Variants in LMNA observed in about 807,000 individuals in gnomAD.
The protein encoded by LMNA is lamin.
LMNA carries 20 observed loss-of-function variants against 70.4 expected under a neutral mutation model. The ratio of observed to expected loss-of-function variants is 0.28; its 90% CI spans 0.20 to 0.41. LMNA has a LOEUF of 0.41. LMNA is among the 10% of genes least tolerant of loss of function. The pLI, the probability that LMNA is intolerant of heterozygous loss-of-function variation, is 1.00. For missense variants in LMNA, 652 were observed against 917.2 expected (o/e 0.71, Z 3.73); for synonymous variants, 339 against 372.8 (o/e 0.91, Z 1.04).
chr1:156,110,077 A>AAGCAATC (rs1649481626), upstream of LMNA, among the ~76,000 whole-genome samples: 2 of 152,120 alleles, frequency 1.3e-5, no homozygotes, highest in South Asian at 4.1e-4. Flanking sequence ...TCCTGGGCTC[A>AAGCAATC]AGCAATCTGC....
At chr1:156,129,962 G>A in intron 1 of LMNA, 1 of 725,662 alleles carries the variant, frequency 1.4e-6, no homozygotes, top group Non-Finnish European at 2.6e-6. Context: ...AGGGAGGCAG[G>A]GACCCCTCTG....
intron 3 of LMNA, among the ~76,000 whole-genome samples, chr1:156,105,465 G>A (rs976171962): frequency 5.9e-5 from 9 of 152,006 alleles, no homozygotes; most frequent in African/African-American, 1.7e-4. Flanking sequence ...CCACCCCAGC[G>A]GCCAGGAAAT....
Position 156,136,153 on chromosome 1 carries a change from C to A in LMNA, c.1157+32C>A. On this transcript the variant is annotated intron_variant, in intron 6 of 11. Coordinates refer to ENST00000368300, the MANE Select transcript of LMNA (RefSeq NM_170707.4). The surrounding 1 kb of genome is among the most constrained non-coding windows in gnomAD (Gnocchi z 6.1). ...TGGGGAGACGTCGGGGAGGTGCTGGCAGTGTCCTCTGGCCGGCAACTGGCC... is the reference window on the plus strand; with the variant it reads ...TGGGGAGACGTCGGGGAGGTGCTGGAAGTGTCCTCTGGCCGGCAACTGGCC... 1 of 1,613,190 alleles carries A rather than the reference C, an allele frequency of 6.2e-7. No homozygotes were observed. Among genetic ancestry groups the A allele is most frequent in the Non-Finnish European group, 8.5e-7 (1 of 1,179,522 alleles).
intron 2 of LMNA, among the ~76,000 whole-genome samples, chr1:156,083,813 A>C (rs1179330877): frequency 6.6e-6 from 1 of 152,168 alleles, no homozygotes; most frequent in Non-Finnish European, 1.5e-5. Context: ...AAACAAACAA[A>C]AAAACCCATT....
At chr1:156,095,895 C>A (rs1246027908) in intron 3 of LMNA, among the ~76,000 whole-genome samples, 1 of 152,226 alleles carries the variant, frequency 6.6e-6, no homozygotes, top group Admixed American at 6.5e-5. Flanking sequence ...ATGTCTCTCC[C>A]AGGCAGCCTT....
chr1:156,111,122 G>GC (rs948152286), upstream of LMNA, among the ~76,000 whole-genome samples: 17 of 151,812 alleles, frequency 1.1e-4, no homozygotes, highest in East Asian at 1.7e-3. Context: ...ACACAGAGGA[G>GC]CCCCCCCACC....
upstream of LMNA, among the ~76,000 whole-genome samples, chr1:156,111,672 A>C (rs1649546912): frequency 6.6e-6 from 1 of 152,184 alleles, no homozygotes; most frequent in African/African-American, 2.4e-5. Flanking sequence ...TAGTATTGCT[A>C]TCACCCTGTG....
rs950647687 is a variant in LMNA at position 156,118,122 on chromosome 1, C to T, written c.356+2848C>T. Among the ~76,000 whole-genome samples the T allele has an allele frequency of 6.6e-5, 10 of 152,184 alleles. No homozygotes were observed. In the East Asian group the frequency reaches 7.7e-4, roughly 12 times the overall value. The stretch of plus-strand genomic sequence containing the variant: ...TACAGGCATAAGCCACCAGGCCTGA[C>T]GCCAGGCCTGTCTTTTTTCTACTAG... On this transcript the variant is annotated intron_variant, in intron 1 of 11. Coordinates refer to ENST00000368300, the MANE Select transcript of LMNA (RefSeq NM_170707.4).
intron 1 of LMNA, among the ~76,000 whole-genome samples, chr1:156,124,890 G>A (rs4661147): frequency 0.1 from 15,949 of 152,178 alleles, 1,536 homozygotes; most frequent in African/African-American, 0.25. Context: ...AGGCAGACAC[G>A]CTTCCCAGAC....
chr1:156,097,232 G>C (rs1342722410), intron 3 of LMNA, among the ~76,000 whole-genome samples: 1 of 152,164 alleles, frequency 6.6e-6, no homozygotes, highest in Non-Finnish European at 1.5e-5. Flanking sequence ...TGGCAAGCTG[G>C]GGACTCCTGG....
chr1:156,134,323 GC>G lies in LMNA; in HGVS notation c.514-79del. 6.6e-7 allele frequency: 1 copy of G among 1,522,338 alleles called. No homozygotes were observed. Among genetic ancestry groups the G allele is most frequent in the South Asian group, 1.2e-5 (1 of 85,398 alleles). 94.3% of individuals were successfully genotyped at this position (1,522,338 alleles called of 1,614,324 possible). A position where few individuals can be genotyped will look rare whatever the true frequency, so the allele number is the denominator to read the frequency against. ...TCCACATGTGTGAAGGGGTGCACAG[GC>G]AGCAGCCCACCTCTCAGCTTCCTTC... On this transcript the variant is annotated intron_variant, in intron 2 of 11. Transcript: ENST00000368300. The surrounding 1 kb of genome is among the most constrained non-coding windows in gnomAD (Gnocchi z 5.3).
chr1:156,114,038 T>G (rs968946676), upstream of LMNA, among the ~76,000 whole-genome samples: 1 of 151,776 alleles, frequency 6.6e-6, no homozygotes, highest in Non-Finnish European at 1.5e-5. Context: ...TGAAGAGAGA[T>G]AGATTGGGGC....
At chr1:156,117,245 G>C (rs987093376) in intron 1 of LMNA, among the ~76,000 whole-genome samples, 3 of 150,068 alleles carry the variant, frequency 2.0e-5, no homozygotes, top group Non-Finnish European at 4.5e-5. Context: ...CCTTTATTTT[G>C]TTTTTTTGAG....
intron 3 of LMNA, among the ~76,000 whole-genome samples, chr1:156,106,042 G>A (rs992870549): frequency 1.3e-5 from 2 of 152,094 alleles, no homozygotes; most frequent in Admixed American, 6.5e-5. Flanking sequence ...GGCTGAGGCC[G>A]GAGAATGGCG....
intron 3 of LMNA, among the ~76,000 whole-genome samples, chr1:156,109,206 C>T (rs1649451344): frequency 6.6e-6 from 1 of 152,214 alleles, no homozygotes; most frequent in South Asian, 2.1e-4. Context: ...CTTAGCATGC[C>T]TCTGGAATCC....
At chr1:156,125,947 C>T (rs1457228763) in intron 1 of LMNA, among the ~76,000 whole-genome samples, 6 of 151,118 alleles carry the variant, frequency 4.0e-5, no homozygotes, top group South Asian at 2.1e-4. Context: ...ATCACCTGGG[C>T]GACAGAATGA....
intron 1 of LMNA, chr1:156,126,983 G>T: frequency 6.9e-7 from 1 of 1,445,672 alleles, no homozygotes; most frequent in Non-Finnish European, 9.2e-7. Context: ...CACCTGAGGG[G>T]CCCAGGTTCC....
chr1:156,139,181 G>T lies in LMNA; in HGVS notation c.*75G>T. On this transcript the variant is annotated 3_prime_UTR_variant, in exon 12 of 12. Coordinates refer to ENST00000368300, the MANE Select transcript of LMNA (RefSeq NM_170707.4). Reference sequence around the variant, plus strand: ...TCACCTCATGCCCACCCCCTGCCCTGCACGTCATGGGAGGGGGCTTGAAGC... The same window carrying T: ...TCACCTCATGCCCACCCCCTGCCCTTCACGTCATGGGAGGGGGCTTGAAGC... 1 of 1,610,382 alleles carries T rather than the reference G, an allele frequency of 6.2e-7. No homozygotes were observed.
chr1:156,135,438 C>A lies in LMNA; in HGVS notation c.936+126C>A. The A allele has an allele frequency of 1.6e-6, 2 of 1,254,548 alleles. No individual in the cohort carries two copies. The highest frequency in any genetic ancestry group is 2.6e-5 in the South Asian group (2 of 78,168). The allele number at this position is 1,254,548 out of a possible 1,614,324, so 77.7% of individuals were successfully genotyped here. On this transcript the variant is annotated intron_variant, in intron 5 of 11. Coordinates refer to ENST00000368300, the MANE Select transcript of LMNA (RefSeq NM_170707.4). The surrounding 1 kb of genome is among the most constrained non-coding windows in gnomAD (Gnocchi z 4.8). Reference sequence around the variant, plus strand: ...TGAGGAGGAGAGGGATGAAAAGTGTCCCCACAACCACAGAGAAGGGTCGCA... The same window carrying A: ...TGAGGAGGAGAGGGATGAAAAGTGTACCCACAACCACAGAGAAGGGTCGCA...
Sources: allele counts gnomAD v4.1 joint callset (sites outside exome capture counted in the v4.1 genomes callset), GRCh38; gene constraint gnomAD v4.1.1; non-coding constraint Gnocchi (gnomAD v3.1); transcripts MANE v1.5; gene names NCBI Gene and HGNC (gene_info 2026-07-23, HGNC 2026-07-21).